The following TCERG1L variants were observed in gnomAD, a reference collection of about 807,000 sequenced individuals.
TCERG1L encodes transcription elongation regulator 1 like.
TCERG1L carries 37 observed loss-of-function variants against 56.3 expected under a neutral mutation model. The ratio of observed to expected loss-of-function variants is 0.66; its 90% CI spans 0.51 to 0.87. The LOEUF is 0.87. Ranked by LOEUF, TCERG1L falls within the 40% of genes least tolerant of loss-of-function variation. The probability of loss-of-function intolerance (pLI) is 0.00; values close to 1 mark genes in which losing one functional copy is unlikely to be tolerated. For missense variants in TCERG1L, 799 were observed against 774.2 expected (o/e 1.03, Z -0.38); for synonymous variants, 324 against 326.3 (o/e 0.99, Z 0.08).
intron 4 of TCERG1L, among the ~76,000 whole-genome samples, chr10:131,249,206 T>C (rs1046815607): frequency 1.3e-5 from 2 of 152,366 alleles, no homozygotes; most frequent in Admixed American, 1.3e-4. Context: ...CTCTTTGCAT[T>C]GTGCTACAGT....
chr10:131,116,125 C>T (rs568866795), intron 9 of TCERG1L, among the ~76,000 whole-genome samples: 1 of 152,296 alleles, frequency 6.6e-6, no homozygotes, highest in Admixed American at 6.5e-5. Flanking sequence ...GCCTCTGGCT[C>T]ATTTTATACC....
chr10:131,256,652 GA>G (rs1288810069), intron 4 of TCERG1L, among the ~76,000 whole-genome samples: 1 of 152,078 alleles, frequency 6.6e-6, no homozygotes, highest in Non-Finnish European at 1.5e-5. Flanking sequence ...TGGGGAGGCG[GA>G]GGTGGGCGGA....
At chr10:131,242,319 T>C (rs1005907223) in intron 4 of TCERG1L, among the ~76,000 whole-genome samples, 1 of 151,790 alleles carries the variant, frequency 6.6e-6, no homozygotes, top group Non-Finnish European at 1.5e-5. Context: ...AGAAATAGAA[T>C]AGAAAAGTAC....
intron 11 of TCERG1L, 75 bp downstream of exon 11, chr10:131,098,227 AAAAC>A: frequency 6.8e-7 from 1 of 1,469,238 alleles, no homozygotes; most frequent in Non-Finnish European, 9.1e-7. Context: ...CGATTTAACA[AAAAC>A]AAACCTGAAG....
Position 131,311,435 on chromosome 10 carries a change from CG to C in TCERG1L, c.200del (p.Pro67ArgfsTer58). The C allele has an allele frequency of 8.5e-7, 1 of 1,176,298 alleles. No homozygotes were observed. The highest frequency in any genetic ancestry group is 1.0e-6 in the Non-Finnish European group (1 of 953,930). 72.9% of individuals were successfully genotyped at this position (1,176,298 alleles called of 1,614,324 possible). On this transcript the variant is annotated frameshift_variant, in exon 1 of 12. Transcript: ENST00000368642. LOFTEE classifies it high-confidence loss of function. The surrounding 1 kb of genome is among the most constrained non-coding windows in gnomAD (Gnocchi z 4.0). ...CGGGGAGCAGCGGGGCCGCGGGCGG[CG>C]GGGCCGAGGCGAGCAGCACCGGGGG... Reference protein sequence around the residue: ...VVPPVLLASAPPPAAPLLPGL... With the variant: ...VVPPVLLASAXPPAAPLLPGL...
intron 5 of TCERG1L, chr10:131,164,173 C>T (rs1297621771): frequency 1.4e-5 from 2 of 146,924 alleles, no homozygotes; most frequent in Non-Finnish European, 3.0e-5. Flanking sequence ...GAAAATTTAT[C>T]ACCTAGAATA....
rs1223985355 is a variant in TCERG1L, at chr10:131,260,390, G to GTGGCGA, written c.719_724dup (p.Ile240_Ala241dup). 2.7e-6 allele frequency: 4 copies of GTGGCGA among 1,487,036 alleles called. No homozygotes were observed. Among genetic ancestry groups the GTGGCGA allele is most frequent in the Non-Finnish European group, 2.7e-6 (3 of 1,128,860 alleles). The allele number at this position is 1,487,036 out of a possible 1,614,324, so 92.1% of individuals were successfully genotyped here. ...GGAGACCATGGCAGCGGCGGCGGCG[G>GTGGCGA]TGGCGATGGCAATGGCGGGGCTGCT... On this transcript the variant is annotated inframe_insertion, in exon 4 of 12. Transcript: ENST00000368642. This position sits in a 1 kb window ranked among gnomAD's most constrained non-coding sequence, Gnocchi z 5.8.
In TCERG1L at chr10:131,119,824, T is replaced by C. The variant is rs537720712; in HGVS notation, c.1260-2890A>G. Reference sequence around the variant, plus strand: ...GTCCCCGAGGACACACTAATTGGTGTGCACCAGCCCTGCAGGCTGCGAGCC... The same window carrying C: ...GTCCCCGAGGACACACTAATTGGTGCGCACCAGCCCTGCAGGCTGCGAGCC... On this transcript the variant is annotated intron_variant, in intron 8 of 11. Coordinates refer to ENST00000368642, the MANE Select transcript of TCERG1L (RefSeq NM_174937.4). 1.5e-3 allele frequency among the ~76,000 whole-genome samples: 225 copies of C among 152,232 alleles called. 4 individuals carry two copies. The highest frequency in any genetic ancestry group is 3.7e-4 in the Non-Finnish European group (25 of 68,034).
chr10:131,268,739 A>C (rs1846309777), intron 3 of TCERG1L, among the ~76,000 whole-genome samples: 1 of 152,182 alleles, frequency 6.6e-6, no homozygotes, highest in Non-Finnish European at 1.5e-5. Flanking sequence ...TCTGTCCTTA[A>C]ACCTCATGCA....
chr10:131,180,224 A>G (rs1287209442), intron 4 of TCERG1L, among the ~76,000 whole-genome samples: 2 of 152,232 alleles, frequency 1.3e-5, no homozygotes, highest in Non-Finnish European at 2.9e-5. Context: ...GCAGATAGGG[A>G]TGCAAAGTCC....
chr10:131,201,375 T>C (rs541506766), intron 4 of TCERG1L, among the ~76,000 whole-genome samples: 50 of 152,252 alleles, frequency 3.3e-4, no homozygotes, highest in Non-Finnish European at 3.2e-4. Flanking sequence ...CCTGAGGCCA[T>C]CGAACATCCG....
chr10:131,231,694 A>G (rs1222850118), intron 4 of TCERG1L, among the ~76,000 whole-genome samples: 1 of 152,042 alleles, frequency 6.6e-6, no homozygotes, highest in Non-Finnish European at 1.5e-5. Flanking sequence ...TGTGGGAGAG[A>G]GATGAAGCCA....
At chr10:131,288,781 G>C (rs1188414139) in intron 3 of TCERG1L, among the ~76,000 whole-genome samples, 1 of 151,994 alleles carries the variant, frequency 6.6e-6, no homozygotes, top group Non-Finnish European at 1.5e-5. Flanking sequence ...ACAGAGGTTG[G>C]AGAATGCAGC....
chr10:131,193,221 T>C (rs1845322457), intron 4 of TCERG1L, among the ~76,000 whole-genome samples: 1 of 152,152 alleles, frequency 6.6e-6, no homozygotes, highest in Non-Finnish European at 1.5e-5. Flanking sequence ...GTTGTTGTTG[T>C]TGAGTTTTTT....
intron 7 of TCERG1L, among the ~76,000 whole-genome samples, chr10:131,140,391 G>A (rs978846748): frequency 9.2e-5 from 14 of 152,138 alleles, no homozygotes; most frequent in South Asian, 4.1e-4. Context: ...CATCCTGTCC[G>A]ATGTCCTACC....
chr10:131,259,143 A>T (rs1030278618), intron 4 of TCERG1L, among the ~76,000 whole-genome samples: 2 of 152,238 alleles, frequency 1.3e-5, no homozygotes, highest in African/African-American at 4.8e-5. Context: ...CCGAAGGTCC[A>T]TTGTTGAAAA....
intron 8 of TCERG1L, among the ~76,000 whole-genome samples, chr10:131,127,811 C>T (rs1353701986): frequency 6.6e-6 from 1 of 152,048 alleles, no homozygotes; most frequent in South Asian, 2.1e-4. Context: ...GCACGCTGCC[C>T]GGGGCCACTG....
At chr10:131,142,427 C>A (rs1789712224) in intron 7 of TCERG1L, among the ~76,000 whole-genome samples, 1 of 152,262 alleles carries the variant, frequency 6.6e-6, no homozygotes, top group Non-Finnish European at 1.5e-5. Context: ...CCAGTCACAG[C>A]TGTGTTTACT....
chr10:131,202,500 G>A (rs1157463880), intron 4 of TCERG1L, among the ~76,000 whole-genome samples: 1 of 152,174 alleles, frequency 6.6e-6, no homozygotes, highest in Non-Finnish European at 1.5e-5. Flanking sequence ...AGAATCCCTT[G>A]AACCTGGGAG....
Sources: gnomAD v4.1 joint callset for allele counts (sites outside exome capture counted in the v4.1 genomes callset) on GRCh38, gnomAD v4.1.1 for gene constraint, Gnocchi (gnomAD v3.1) non-coding constraint, MANE v1.5 for transcripts, NCBI Gene and HGNC (gene_info 2026-07-23, HGNC 2026-07-21) for gene names.